Variants in RAC1 observed in about 807,000 individuals in gnomAD.
The protein encoded by RAC1 is ras-related C3 botulinum toxin substrate 1.
A neutral mutation model predicts 25.2 loss-of-function variants in RAC1; 2 were observed. That is an observed-to-expected ratio of 0.08 (90% confidence interval 0.03 to 0.25). The LOEUF (loss-of-function observed/expected upper bound fraction) is 0.25. Ranked by LOEUF, RAC1 falls within the 10% of genes least tolerant of loss-of-function variation. The pLI, the probability that RAC1 is intolerant of heterozygous loss-of-function variation, is 1.00. For synonymous variants in RAC1, 88 were observed against 94.0 expected, an observed-to-expected ratio of 0.94 and a Z score of 0.37; for missense variants, 50 against 235.7, an observed-to-expected ratio of 0.21 and a Z score of 5.16.
intron 1 of RAC1, among the ~76,000 whole-genome samples, chr7:6,383,250 G>T (rs1157014608): frequency 6.6e-6 from 1 of 152,246 alleles, no homozygotes; most frequent in African/African-American, 2.4e-5. Context: ...ACATTGCCCA[G>T]TGCAGATGTT....
chr7:6,400,361 C>A (rs1342574185), intron 4 of RAC1, among the ~76,000 whole-genome samples, 173 bp downstream of exon 4: 2 of 151,660 alleles, frequency 1.3e-5, no homozygotes, highest in Non-Finnish European at 2.9e-5. Context: ...AGGTCTCACT[C>A]TGTTGTGTCC....
intron 1 of RAC1, among the ~76,000 whole-genome samples, chr7:6,380,071 C>T (rs1782722018): frequency 1.3e-5 from 2 of 152,178 alleles, no homozygotes. Flanking sequence ...ACATTACTGT[C>T]CAGGAGTTTC....
At chr7:6,400,009 CCA>C (rs1179313851) in intron 3 of RAC1, 115 bp from the exon 4 acceptor site, 16 of 931,504 alleles carry the variant, frequency 1.7e-5, no homozygotes, top group Non-Finnish European at 2.6e-5. Context: ...TCTGACCACA[CCA>C]CTGGTAGACA....
At chr7:6,385,142 T>G (rs1234595209) in intron 1 of RAC1, among the ~76,000 whole-genome samples, 1 of 152,174 alleles carries the variant, frequency 6.6e-6, no homozygotes, top group African/African-American at 2.4e-5. Context: ...ATGTTAGCTC[T>G]TTTGCTGTAC....
At position 6,396,985 on chromosome 7, in the gene RAC1, C is replaced by T. The variant is rs1220074133; in HGVS notation, c.226-3141C>T. 1.9e-4 allele frequency among the ~76,000 whole-genome samples: 28 copies of T among 147,442 alleles called. 1 individual carries two copies. The highest frequency in any genetic ancestry group is 1.6e-3 in the Admixed American group (24 of 14,700). ...GGCGGAGCTTGCAGTGAGCCAAGATCGTGCCACTGCACTCCAGCCTGGGCG... is the reference window on the plus strand; with the variant it reads ...GGCGGAGCTTGCAGTGAGCCAAGATTGTGCCACTGCACTCCAGCCTGGGCG... On this transcript the variant is annotated intron_variant, in intron 3 of 5. Transcript: ENST00000348035.
At chr7:6,389,602 C>T (rs1002901295) in intron 2 of RAC1, among the ~76,000 whole-genome samples, 1 of 152,016 alleles carries the variant, frequency 6.6e-6, no homozygotes, top group African/African-American at 2.4e-5. Flanking sequence ...ATTGCTTGAA[C>T]CTGGGAGGTG....
intron 2 of RAC1, chr7:6,391,439 T>C (rs1360397295): frequency 1.3e-5 from 2 of 157,100 alleles, no homozygotes; most frequent in Non-Finnish European, 2.8e-5. Flanking sequence ...GAAAATGTTA[T>C]TGGGAGGCTT....
chr7:6,388,929 G>C (rs1783002553), intron 2 of RAC1, among the ~76,000 whole-genome samples: 1 of 152,062 alleles, frequency 6.6e-6, no homozygotes, highest in South Asian at 2.1e-4. Flanking sequence ...AGCTGGGCGT[G>C]ATTGCTCACG....
intron 1 of RAC1, among the ~76,000 whole-genome samples, chr7:6,379,734 T>G (rs997908852): frequency 3.3e-5 from 5 of 152,122 alleles, no homozygotes; most frequent in African/African-American, 1.2e-4. Context: ...ATTATTTTAT[T>G]TTTTATTTTT....
At chr7:6,387,504 A>C (rs775823547) in intron 2 of RAC1, among the ~76,000 whole-genome samples, 1 of 152,134 alleles carries the variant, frequency 6.6e-6, no homozygotes, top group African/African-American at 2.4e-5. Flanking sequence ...GGGTGGATCA[A>C]CTGAGGGTCA....
chr7:6,376,239 G>T (rs1187238790), intron 1 of RAC1, among the ~76,000 whole-genome samples: 14 of 129,370 alleles, frequency 1.1e-4, no homozygotes, highest in Admixed American at 8.0e-4. Flanking sequence ...CTGGAGTGCA[G>T]TGGCACGATT....
intron 2 of RAC1, among the ~76,000 whole-genome samples, chr7:6,388,534 G>A (rs111906158): frequency 1.3e-5 from 2 of 151,672 alleles, no homozygotes; most frequent in Admixed American, 6.6e-5. Flanking sequence ...TAGTAGAGAC[G>A]GGTTTCACCA....
chr7:6,376,669 TTTG>T (rs200155246), intron 1 of RAC1, among the ~76,000 whole-genome samples: 8,671 of 101,010 alleles, frequency 0.086, 668 homozygotes, highest in African/African-American at 0.32. Flanking sequence ...GCCCAGCTAA[TTTG>T]TTTTTTTTTT....
chr7:6,382,375 G>C (rs1398182248), intron 1 of RAC1, among the ~76,000 whole-genome samples: 1 of 152,170 alleles, frequency 6.6e-6, no homozygotes. Flanking sequence ...TGGCTTTTCT[G>C]TCCTGAGATC....
chr7:6,395,273 G>A (rs836472), intron 3 of RAC1, among the ~76,000 whole-genome samples: 44,582 of 151,810 alleles, frequency 0.29, 7,361 homozygotes, highest in East Asian at 0.78. Context: ...GCCAGTGCTA[G>A]AGGTTTTAAA....
At chr7:6,377,550 G>C (rs554888744) in intron 1 of RAC1, among the ~76,000 whole-genome samples, 1 of 152,282 alleles carries the variant, frequency 6.6e-6, no homozygotes, top group East Asian at 1.9e-4. Context: ...AGCTGAGATT[G>C]TGCCATTGCA....
chr7:6,375,864 A>G (rs898248775), intron 1 of RAC1: 4 of 152,034 alleles, frequency 2.6e-5, no homozygotes, highest in African/African-American at 9.7e-5. Context: ...CATAGAAACA[A>G]GAATCTCAGT....
At chr7:6,396,073 G>C (rs913447360) in intron 3 of RAC1, among the ~76,000 whole-genome samples, 1 of 152,188 alleles carries the variant, frequency 6.6e-6, no homozygotes, top group African/African-American at 2.4e-5. Context: ...GGCGTTGAAG[G>C]CACCACGTGT....
rs1297341394 is a variant in RAC1, at chr7:6,387,883, A to G, written c.107+600A>G. 2.6e-5 allele frequency among the ~76,000 whole-genome samples: 4 copies of G among 152,218 alleles called. No individual in the cohort carries two copies. In the South Asian group the frequency reaches 6.2e-4, roughly 24 times the overall value. On this transcript the variant is annotated intron_variant, in intron 2 of 5. Coordinates refer to ENST00000348035, the MANE Select transcript of RAC1 (RefSeq NM_006908.5). Reference sequence around the variant, plus strand: ...TAGTTGGACACAAGAACTCTGACCAAAAGTCTGATCAGAAACAGTCCTTGT... The same window carrying G: ...TAGTTGGACACAAGAACTCTGACCAGAAGTCTGATCAGAAACAGTCCTTGT...
Sources: allele counts gnomAD v4.1 joint callset (sites outside exome capture counted in the v4.1 genomes callset), GRCh38; gene constraint gnomAD v4.1.1; transcripts MANE v1.5; gene names NCBI Gene and HGNC (gene_info 2026-07-23, HGNC 2026-07-21).